Variants in CELF4 observed in about 807,000 individuals in gnomAD.
CELF4 encodes the protein CUGBP Elav-like family member 4.
Under a neutral mutation model 59.9 loss-of-function variants are expected in CELF4, and 18 were observed. The observed-to-expected ratio is 0.30, with a 90% CI of 0.21 to 0.45. The LOEUF (loss-of-function observed/expected upper bound fraction) is 0.45, where lower values mean the gene tolerates loss of function less well. Among genes scored for constraint, CELF4 ranks in the 20% least tolerant of loss-of-function variants. CELF4 has a pLI of 1.00. For missense variants in CELF4, 456 were observed against 689.0 expected (o/e 0.66, Z 3.79); for synonymous variants, 261 against 267.1 (o/e 0.98, Z 0.22).
intron 1 of CELF4, among the ~76,000 whole-genome samples, chr18:37,540,359 C>T (rs529047063): frequency 4.7e-4 from 71 of 152,348 alleles, no homozygotes; most frequent in African/African-American, 1.6e-3. Context: ...TTGTGTGTTG[C>T]TTTTATTGTT....
At chr18:37,375,901 A>G (rs1398003689) in intron 2 of CELF4, among the ~76,000 whole-genome samples, 1 of 151,976 alleles carries the variant, frequency 6.6e-6, no homozygotes, top group Non-Finnish European at 1.5e-5. Flanking sequence ...GCCCCTCCCC[A>G]TGGGCTGGAG....
At chr18:37,334,317 A>C (rs1304123351) in intron 2 of CELF4, among the ~76,000 whole-genome samples, 1 of 152,118 alleles carries the variant, frequency 6.6e-6, no homozygotes, top group Non-Finnish European at 1.5e-5. Flanking sequence ...CTGAGGTTTC[A>C]GTGTCTTTCT....
intron 2 of CELF4, among the ~76,000 whole-genome samples, chr18:37,420,647 A>C (rs748942152): frequency 1.3e-5 from 2 of 152,178 alleles, no homozygotes; most frequent in South Asian, 2.1e-4. Context: ...AGCCTCTGCT[A>C]GAGAACAGGT....
At chr18:37,499,127 T>C (rs2099928570) in intron 1 of CELF4, among the ~76,000 whole-genome samples, 2 of 152,156 alleles carry the variant, frequency 1.3e-5, no homozygotes, top group Non-Finnish European at 2.9e-5. Flanking sequence ...GGGACCTCAT[T>C]GCACTTCCTG....
chr18:37,300,718 G>A (rs1311362815), intron 3 of CELF4, among the ~76,000 whole-genome samples: 7 of 152,348 alleles, frequency 4.6e-5, no homozygotes, highest in African/African-American at 1.7e-4. Flanking sequence ...AATCAGGGTA[G>A]TGATATATGC....
At chr18:37,453,417 G>A (rs1222489692) in intron 2 of CELF4, among the ~76,000 whole-genome samples, 1 of 152,204 alleles carries the variant, frequency 6.6e-6, no homozygotes, top group Non-Finnish European at 1.5e-5. Context: ...TTTCTTCAAA[G>A]CTCCCAAGGA....
intron 2 of CELF4, among the ~76,000 whole-genome samples, chr18:37,432,857 C>T (rs564757932): frequency 6.6e-6 from 1 of 152,318 alleles, no homozygotes; most frequent in South Asian, 2.1e-4. Context: ...CCTTGAATAA[C>T]TTTCTTACTA....
intron 1 of CELF4, among the ~76,000 whole-genome samples, chr18:37,509,768 T>C (rs1484477361): frequency 6.6e-6 from 1 of 152,252 alleles, no homozygotes; most frequent in African/African-American, 2.4e-5. Context: ...TACATTTTCA[T>C]CAGCTTATGA....
intron 1 of CELF4, among the ~76,000 whole-genome samples, chr18:37,551,355 G>A (rs1406276339): frequency 6.6e-6 from 1 of 152,200 alleles, no homozygotes; most frequent in African/African-American, 2.4e-5. Flanking sequence ...TCCAGAGATG[G>A]GAGAAGTACG....
At chr18:37,455,056 G>A (rs913692549) in intron 2 of CELF4, among the ~76,000 whole-genome samples, 1 of 151,966 alleles carries the variant, frequency 6.6e-6, no homozygotes, top group African/African-American at 2.4e-5. Flanking sequence ...GCACTTTAGG[G>A]GAAAAAAAAT....
At chr18:37,548,900 C>T (rs918037772) in intron 1 of CELF4, among the ~76,000 whole-genome samples, 2 of 152,202 alleles carry the variant, frequency 1.3e-5, no homozygotes, top group Non-Finnish European at 2.9e-5. Flanking sequence ...AAACACTGCC[C>T]ACCCCCAGGA....
chr18:37,274,839 G>T lies in CELF4; in HGVS notation c.623C>A (p.Ala208Asp). 1 of 1,607,774 alleles carries T rather than the reference G, an allele frequency of 6.2e-7. No homozygotes were observed. ...KYSSHAEAQA[A>D]INALHGSQTM... Reference sequence around the variant, plus strand: ...CTGGCTGCCGTGTAGCGCGTTGATGGCGGCCTGCGCCTCGGCGTGGGAGGA... The same window carrying T: ...CTGGCTGCCGTGTAGCGCGTTGATGTCGGCCTGCGCCTCGGCGTGGGAGGA... Residue 208 changes from alanine (A) to aspartate (D), a missense_variant, in exon 5 of 13, where the codon GCC becomes GAC. Physicochemically the swap from Ala to Asp is moderately radical, Grantham distance 126 (BLOSUM62 -2). Coordinates refer to ENST00000420428, the MANE Select transcript of CELF4 (RefSeq NM_020180.4).
chr18:37,327,271 AG>A (rs1207067585), intron 2 of CELF4, among the ~76,000 whole-genome samples: 1 of 152,170 alleles, frequency 6.6e-6, no homozygotes, highest in Non-Finnish European at 1.5e-5. Context: ...CCCGAGGACC[AG>A]GGTGCAAGGG....
chr18:37,378,154 C>T (rs2098993229), intron 2 of CELF4, among the ~76,000 whole-genome samples: 1 of 152,194 alleles, frequency 6.6e-6, no homozygotes, highest in South Asian at 2.1e-4. Flanking sequence ...CCAGTTCTTT[C>T]CCCATGGTGG....
At chr18:37,317,344 G>T (rs1409766912) in intron 3 of CELF4, among the ~76,000 whole-genome samples, 2 of 152,334 alleles carry the variant, frequency 1.3e-5, no homozygotes, top group East Asian at 3.9e-4. Context: ...CCAAGATCGT[G>T]CTATCGCACT....
intron 9 of CELF4, 148 bp downstream of exon 9, chr18:37,266,385 G>C (rs944929373): frequency 8.4e-6 from 7 of 833,744 alleles, no homozygotes; most frequent in South Asian, 6.4e-5. Flanking sequence ...CAGCCTGGAG[G>C]GTCTCTGCCA....
intron 2 of CELF4, among the ~76,000 whole-genome samples, chr18:37,465,913 A>G (rs965236215): frequency 6.6e-6 from 1 of 152,172 alleles, no homozygotes; most frequent in Non-Finnish European, 1.5e-5. Context: ...TGGCAGCAGA[A>G]TCATGGGAGC....
chr18:37,367,097 G>A (rs545197100), intron 2 of CELF4, among the ~76,000 whole-genome samples: 42 of 152,250 alleles, frequency 2.8e-4, no homozygotes, highest in African/African-American at 9.4e-4. Context: ...CAAGCTATGC[G>A]GCCAGCATGC....
chr18:37,398,402 T>G lies in CELF4; in HGVS notation c.370-76521A>C, dbSNP rs2099272643. On this transcript the variant is annotated intron_variant, in intron 2 of 12. Coordinates refer to ENST00000420428, the MANE Select transcript of CELF4 (RefSeq NM_020180.4). The stretch of plus-strand genomic sequence containing the variant: ...AGAGAAGGAATCTCCCTTCGTGGAC[T>G]GTGCCTCACAGACATAGCTGCTCCA... 2.0e-5 allele frequency among the ~76,000 whole-genome samples: 3 copies of G among 152,188 alleles called. No homozygotes were observed. The South Asian group carries it at 6.2e-4, about 31-fold the overall frequency.
Sources: gnomAD v4.1 joint callset for allele counts (sites outside exome capture counted in the v4.1 genomes callset) on GRCh38, gnomAD v4.1.1 for gene constraint, MANE v1.5 for transcripts, NCBI Gene and HGNC (gene_info 2026-07-23, HGNC 2026-07-21) for gene names.